Variants in PCDHGB4 observed in about 807,000 individuals in gnomAD.
The protein encoded by PCDHGB4 is protocadherin gamma subfamily B, 4.
In PCDHGB4, 38 loss-of-function variants were observed where a neutral mutation model predicts 60.5. That is an observed-to-expected ratio of 0.63 (90% CI 0.48 to 0.82). The LOEUF is 0.82. PCDHGB4 is among the 40% of genes least tolerant of loss of function. The pLI is 0.00. For missense variants in PCDHGB4, 1,109 were observed against 1,209.6 expected, an observed-to-expected ratio of 0.92 and a Z score of 1.23; for synonymous variants, 456 against 509.7, an observed-to-expected ratio of 0.89 and a Z score of 1.42.
chr5:141,396,698 A>G (rs1003976752), intron 1 of PCDHGB4: 8 of 152,182 alleles, frequency 5.3e-5, no homozygotes, highest in African/African-American at 1.9e-4. Context: ...ACCTTCTTGT[A>G]GCATTTGAAT....
chr5:141,394,152 G>A lies in PCDHGB4; in HGVS notation c.2397+3871G>A, dbSNP rs141035845. 5.0e-3 allele frequency: 8,040 copies of A among 1,613,782 alleles called. 48 individuals are homozygous for A. Among genetic ancestry groups the A allele is most frequent in the Admixed American group, 9.4e-3 (566 of 59,984 alleles). On this transcript the variant is annotated intron_variant, in intron 1 of 3. Coordinates refer to ENST00000519479, the MANE Select transcript of PCDHGB4 (RefSeq NM_003736.4). ...CGCTCTGCACGTGGCAGACATTAAC[G>A]ACAACCCTCCTACTTTCCCTCATGC...
chr5:141,425,881 A>C (rs911454948), intron 1 of PCDHGB4, among the ~76,000 whole-genome samples: 1 of 152,230 alleles, frequency 6.6e-6, no homozygotes, highest in African/African-American at 2.4e-5. Context: ...TCTCTAAGGA[A>C]TCTTCTTTGG....
At chr5:141,482,572 T>C (rs1367788391) in intron 1 of PCDHGB4, among the ~76,000 whole-genome samples, 1 of 137,636 alleles carries the variant, frequency 7.3e-6, no homozygotes, top group Admixed American at 7.3e-5. Context: ...CTGCATAGCA[T>C]AAGATGCAGT....
Position 141,496,980 on chromosome 5 carries a change from G to A in PCDHGB4, c.2456+2115G>A, listed in dbSNP as rs186715298. On this transcript the variant is annotated intron_variant, in intron 2 of 3. Coordinates refer to ENST00000519479, the MANE Select transcript of PCDHGB4 (RefSeq NM_003736.4). ...GTGGGTAGATCACTTGAGGTCAGGG[G>A]TTTGAGACCAGCCTGGCAGCCAACA... Among the ~76,000 whole-genome samples the A allele has an allele frequency of 1.6e-3, 236 of 152,074 alleles. 2 individuals are homozygous for A. Among genetic ancestry groups the A allele is most frequent in the South Asian group, 7.5e-3 (36 of 4,814 alleles).
chr5:141,409,490 C>G (rs780688280), intron 1 of PCDHGB4: 12 of 1,613,892 alleles, frequency 7.4e-6, no homozygotes, highest in Non-Finnish European at 1.0e-5. Context: ...CAGGGGCAAG[C>G]CGCCTCTTTC....
chr5:141,414,849 C>G (rs10038103), intron 1 of PCDHGB4: 1 of 1,614,134 alleles, frequency 6.2e-7, no homozygotes, highest in African/African-American at 1.3e-5. Flanking sequence ...TTGTGCTGGA[C>G]CAGAACGACA....
chr5:141,419,117 G>T (rs1362880648), intron 1 of PCDHGB4: 1 of 1,613,718 alleles, frequency 6.2e-7, no homozygotes, highest in African/African-American at 1.3e-5. Context: ...AGAGTACAAC[G>T]TCACCATCGC....
intron 1 of PCDHGB4, chr5:141,421,256 G>A (rs1205670837): frequency 1.2e-6 from 2 of 1,607,696 alleles, no homozygotes; most frequent in African/African-American, 1.3e-5. Flanking sequence ...CGCGGGGACC[G>A]CAGTCGGCTG....
intron 1 of PCDHGB4, chr5:141,426,967 T>G (rs151241654): frequency 2.2e-6 from 1 of 456,702 alleles, no homozygotes; most frequent in East Asian, 6.9e-5. Context: ...GCAATTCAAA[T>G]TGAGGTCACT....
chr5:141,476,744 C>A lies in PCDHGB4; in HGVS notation c.2398-18063C>A, dbSNP rs1168392300. ...CCTGGACCGAGAACGGGAGCCTAGT[C>A]TCCAGTTAGTGCTGACGGCGTTGGA... On this transcript the variant is annotated intron_variant, in intron 1 of 3. Coordinates refer to ENST00000519479, the MANE Select transcript of PCDHGB4 (RefSeq NM_003736.4). The surrounding 1 kb of genome is among the most constrained non-coding windows in gnomAD (Gnocchi z 7.6). 1.2e-6 allele frequency: 2 copies of A among 1,614,046 alleles called. No individual in the cohort carries two copies. Among genetic ancestry groups the A allele is most frequent in the Admixed American group, 3.3e-5 (2 of 60,034 alleles).
chr5:141,479,003 C>T (rs2099485569), intron 1 of PCDHGB4, among the ~76,000 whole-genome samples: 1 of 152,176 alleles, frequency 6.6e-6, no homozygotes, highest in South Asian at 2.1e-4. Context: ...AAACTAATAG[C>T]TTTTTGATAA....
At chr5:141,430,737 A>G in intron 1 of PCDHGB4, 1 of 1,498,286 alleles carries the variant, frequency 6.7e-7, no homozygotes, top group South Asian at 1.4e-5. Flanking sequence ...CAGAATTGAA[A>G]ATAATTCTGG....
chr5:141,489,205 G>A lies in PCDHGB4; in HGVS notation c.2398-5602G>A. 2.1e-6 allele frequency: 3 copies of A among 1,438,682 alleles called. No homozygotes were observed. Among genetic ancestry groups the A allele is most frequent in the Non-Finnish European group, 1.9e-6 (2 of 1,060,944 alleles). 89.1% of individuals were successfully genotyped at this position (1,438,682 alleles called of 1,614,324 possible). On this transcript the variant is annotated intron_variant, in intron 1 of 3. Coordinates refer to ENST00000519479, the MANE Select transcript of PCDHGB4 (RefSeq NM_003736.4). The surrounding 1 kb of genome is among the most constrained non-coding windows in gnomAD (Gnocchi z 4.5). ...CTGGGTCTACCTTGGAGACAGGACA[G>A]CACAGACTTACTCTCCACAAAGGGA...
intron 1 of PCDHGB4, chr5:141,410,538 T>TG (rs768720792): frequency 8.1e-6 from 13 of 1,613,830 alleles, no homozygotes; most frequent in Non-Finnish European, 1.1e-5. Flanking sequence ...AATGAAGACA[T>TG]GGTTTGCAGT....
intron 1 of PCDHGB4, chr5:141,422,145 G>A: frequency 1.3e-6 from 2 of 1,580,726 alleles, no homozygotes; most frequent in Non-Finnish European, 8.6e-7. Context: ...AAGTACGGGG[G>A]TCTCTGGATT....
intron 1 of PCDHGB4, among the ~76,000 whole-genome samples, chr5:141,434,831 A>T (rs1328843764): frequency 6.6e-6 from 1 of 151,904 alleles, no homozygotes; most frequent in East Asian, 1.9e-4. Flanking sequence ...TACACTTGGC[A>T]TTTATAAAGC....
intron 1 of PCDHGB4, chr5:141,416,685 A>T (rs1292141199): frequency 1.3e-5 from 2 of 152,384 alleles, no homozygotes; most frequent in East Asian, 3.9e-4. Flanking sequence ...AAGGGAAATT[A>T]TATAAACAAA....
intron 1 of PCDHGB4, chr5:141,422,820 G>A (rs904706749): frequency 6.2e-6 from 10 of 1,614,178 alleles, no homozygotes; most frequent in Non-Finnish European, 7.6e-6. Flanking sequence ...ACTTAGAACT[G>A]AGAGTGATAG....
At chr5:141,441,340 C>T (rs2098240395) in intron 1 of PCDHGB4, 1 of 152,330 alleles carries the variant, frequency 6.6e-6, no homozygotes, top group Non-Finnish European at 1.5e-5. Flanking sequence ...CAATAATTAA[C>T]TACATGCTTG....
Sources: allele counts gnomAD v4.1 joint callset (sites outside exome capture counted in the v4.1 genomes callset), GRCh38; gene constraint gnomAD v4.1.1; non-coding constraint Gnocchi (gnomAD v3.1); transcripts MANE v1.5; gene names NCBI Gene and HGNC (gene_info 2026-07-23, HGNC 2026-07-21).